The following CCDC7 variants were observed in gnomAD, a reference collection of about 807,000 sequenced individuals.
CCDC7 encodes the protein coiled-coil domain-containing protein 7.
In CCDC7, 183 loss-of-function variants were observed where a neutral mutation model predicts 196.9. The observed-to-expected ratio is 0.93, with a 90% CI of 0.82 to 1.05. The LOEUF is 1.05. Among genes scored for constraint, CCDC7 ranks in the 50% least tolerant of loss-of-function variants. CCDC7 has a pLI of 0.00. For synonymous variants in CCDC7, 525 were observed against 484.6 expected, an observed-to-expected ratio of 1.08 and a Z score of -1.10; for missense variants, 1,540 against 1,482.2, an observed-to-expected ratio of 1.04 and a Z score of -0.64.
intron 18 of CCDC7, among the ~76,000 whole-genome samples, chr10:32,593,774 C>T (rs1434646022): frequency 3.3e-5 from 5 of 152,126 alleles, no homozygotes; most frequent in Non-Finnish European, 7.4e-5. Flanking sequence ...TATGGCTAGC[C>T]AGTTTTCCGA....
At chr10:32,705,580 C>A (rs188977383) in intron 24 of CCDC7, among the ~76,000 whole-genome samples, 1 of 152,060 alleles carries the variant, frequency 6.6e-6, no homozygotes. Context: ...ACCCATCTCA[C>A]GTGCAGAGGC....
intron 9 of CCDC7, among the ~76,000 whole-genome samples, chr10:32,502,088 C>T (rs959921144): frequency 2.3e-4 from 35 of 152,130 alleles, no homozygotes; most frequent in African/African-American, 4.8e-4. Context: ...CTACCAAGGT[C>T]GAGTATCCCA....
chr10:32,771,640 G>A (rs2079174777), intron 28 of CCDC7, among the ~76,000 whole-genome samples: 1 of 152,206 alleles, frequency 6.6e-6, no homozygotes, highest in South Asian at 2.1e-4. Flanking sequence ...CTGTCCTCAA[G>A]TTTTCCAGTA....
intron 9 of CCDC7, among the ~76,000 whole-genome samples, chr10:32,517,316 A>G (rs1200973190): frequency 1.3e-5 from 2 of 152,118 alleles, no homozygotes; most frequent in Non-Finnish European, 2.9e-5. Context: ...TAAGTTTGGA[A>G]CAATATATAC....
At chr10:32,818,443 A>T (rs1175266711) in intron 31 of CCDC7, among the ~76,000 whole-genome samples, 2 of 152,180 alleles carry the variant, frequency 1.3e-5, no homozygotes, top group African/African-American at 4.8e-5. Context: ...ACAGAAAGTT[A>T]ACAAGGATAT....
intron 31 of CCDC7, among the ~76,000 whole-genome samples, chr10:32,819,977 A>G (rs1227696892): frequency 6.6e-6 from 1 of 152,216 alleles, no homozygotes; most frequent in Non-Finnish European, 1.5e-5. Flanking sequence ...GCAATCAGGC[A>G]GGAGAAGGAA....
At chr10:32,493,450 A>C (rs2042443189) in intron 9 of CCDC7, among the ~76,000 whole-genome samples, 1 of 151,292 alleles carries the variant, frequency 6.6e-6, no homozygotes, top group South Asian at 2.1e-4. Context: ...ATGGACACTT[A>C]GGTTGATTCC....
intron 8 of CCDC7, among the ~76,000 whole-genome samples, chr10:32,489,024 A>G (rs2041734525): frequency 6.6e-6 from 1 of 152,192 alleles, no homozygotes; most frequent in African/African-American, 2.4e-5. Flanking sequence ...CAACAGTGGG[A>G]AAGCCTGACA....
chr10:32,693,135 T>G (rs1345593692), intron 23 of CCDC7, among the ~76,000 whole-genome samples: 1 of 152,260 alleles, frequency 6.6e-6, no homozygotes, highest in Non-Finnish European at 1.5e-5. Context: ...CTTTTATTTT[T>G]TCTTCAATGA....
At chr10:32,760,444 AG>A (rs1233788534) in intron 28 of CCDC7, among the ~76,000 whole-genome samples, 2 of 152,028 alleles carry the variant, frequency 1.3e-5, no homozygotes, top group Non-Finnish European at 2.9e-5. Flanking sequence ...TGTCCTTTGT[AG>A]GGACATGGAT....
At chr10:32,581,860 G>A (rs953273004) in intron 16 of CCDC7, among the ~76,000 whole-genome samples, 3 of 151,718 alleles carry the variant, frequency 2.0e-5, no homozygotes, top group African/African-American at 7.3e-5. Context: ...TTAGTGTTGG[G>A]GTGGTGGTTT....
intron 41 of CCDC7, among the ~76,000 whole-genome samples, chr10:32,855,221 T>C (rs890338563): frequency 2.6e-5 from 4 of 151,918 alleles, no homozygotes; most frequent in Non-Finnish European, 4.4e-5. Context: ...TTTTTTTTAA[T>C]TCATACAGAA....
intron 16 of CCDC7, among the ~76,000 whole-genome samples, chr10:32,573,364 A>C (rs1269475950): frequency 6.6e-6 from 1 of 152,244 alleles, no homozygotes; most frequent in African/African-American, 2.4e-5. Context: ...TGCTGCTGAT[A>C]AATGTGATAG....
intron 18 of CCDC7, among the ~76,000 whole-genome samples, chr10:32,608,582 C>T (rs1457748801): frequency 2.6e-5 from 4 of 152,016 alleles, no homozygotes; most frequent in Non-Finnish European, 5.9e-5. Context: ...TGCTCTGTTG[C>T]CCAGGCGGTG....
chr10:32,637,370 GTT>G (rs2065847373), intron 20 of CCDC7, among the ~76,000 whole-genome samples: 1 of 152,098 alleles, frequency 6.6e-6, no homozygotes, highest in African/African-American at 2.4e-5. Context: ...TAGGTCTAAT[GTT>G]TAAGTATTTA....
At chr10:32,499,591 C>CTTTTTTTTTT (rs761980746) in intron 9 of CCDC7, among the ~76,000 whole-genome samples, 7 of 132,944 alleles carry the variant, frequency 5.3e-5, no homozygotes, top group Non-Finnish European at 4.9e-5. Flanking sequence ...TTGAATCTTT[C>CTTTTTTTTTT]TTTTTTATTT....
intron 9 of CCDC7, among the ~76,000 whole-genome samples, chr10:32,506,229 G>A: frequency 6.8e-6 from 1 of 147,528 alleles, no homozygotes; most frequent in Non-Finnish European, 1.5e-5. Flanking sequence ...GGGGTGGCCG[G>A]GCAGAGGCGC....
At chr10:32,749,664 T>A (rs1436235966) in intron 28 of CCDC7, among the ~76,000 whole-genome samples, 1 of 152,186 alleles carries the variant, frequency 6.6e-6, no homozygotes, top group African/African-American at 2.4e-5. Flanking sequence ...TGTCTTTCTT[T>A]TATAGTGAAC....
chr10:32,505,782 C>A (rs1434191029), intron 9 of CCDC7, among the ~76,000 whole-genome samples: 1 of 150,282 alleles, frequency 6.7e-6, no homozygotes, highest in Non-Finnish European at 1.5e-5. Flanking sequence ...GGCAGAGGCG[C>A]TCCTCACATC....
Sources: gnomAD v4.1 joint callset for allele counts (sites outside exome capture counted in the v4.1 genomes callset) on GRCh38, gnomAD v4.1.1 for gene constraint, MANE v1.5 for transcripts, NCBI Gene and HGNC (gene_info 2026-07-23, HGNC 2026-07-21) for gene names.